Variants in ING2 observed in about 807,000 individuals in gnomAD.
ING2 encodes inhibitor of growth protein 2.
Under a neutral mutation model 30.6 loss-of-function variants are expected in ING2, and 7 were observed. That is an observed-to-expected ratio of 0.23 (90% CI 0.13 to 0.43). The LOEUF (loss-of-function observed/expected upper bound fraction) is 0.43, where lower values mean the gene tolerates loss of function less well. ING2 is among the 20% of genes least tolerant of loss of function. The pLI is 1.00. For synonymous variants in ING2, 136 were observed against 121.7 expected, an observed-to-expected ratio of 1.12 and a Z score of -0.78; for missense variants, 239 against 334.9, an observed-to-expected ratio of 0.71 and a Z score of 2.24.
intron 1 of ING2, chr4:183,506,135 G>A: frequency 8.0e-7 from 1 of 1,244,056 alleles, no homozygotes; most frequent in Non-Finnish European, 1.0e-6. Flanking sequence ...CTGGTCGCGA[G>A]AGGGGCGGTG....
At chr4:183,506,654 C>T (rs758805205) in intron 1 of ING2, among the ~76,000 whole-genome samples, 1 of 152,166 alleles carries the variant, frequency 6.6e-6, no homozygotes, top group African/African-American at 2.4e-5. Flanking sequence ...TTTGTAGACA[C>T]GCCAGTAATC....
intron 1 of ING2, among the ~76,000 whole-genome samples, chr4:183,506,495 C>T (rs1295670471): frequency 6.6e-6 from 1 of 152,204 alleles, no homozygotes; most frequent in Non-Finnish European, 1.5e-5. Context: ...ACAGTGTTAC[C>T]ACCTACTATC....
intron 1 of ING2, among the ~76,000 whole-genome samples, chr4:183,508,806 G>A (rs1220197931): frequency 2.6e-5 from 4 of 152,198 alleles, no homozygotes; most frequent in East Asian, 1.9e-4. Context: ...GAAATAAAAC[G>A]GATTCGAGCA....
chr4:183,506,038 G>A, intron 1 of ING2: 2 of 1,062,916 alleles, frequency 1.9e-6, no homozygotes, highest in South Asian at 3.7e-5. Context: ...GTGGCGGGGA[G>A]GGCCCCCGCG....
At chr4:183,506,256 T>C in intron 1 of ING2, 1 of 1,304,306 alleles carries the variant, frequency 7.7e-7, no homozygotes, top group Non-Finnish European at 1.0e-6. Context: ...TTCCAACCTC[T>C]TTCCCAGTCA....
intron 1 of ING2, 85 bp downstream of exon 1, chr4:183,505,452 A>C: frequency 7.6e-7 from 1 of 1,318,440 alleles, no homozygotes; most frequent in Admixed American, 2.4e-5. Context: ...CTCCCGTGAC[A>C]GTCTCCCCGA....
Position 183,505,077 on chromosome 4 carries a change from C to A in ING2, c.-119C>A, listed in dbSNP as rs1734599359. On this transcript the variant is annotated 5_prime_UTR_variant, in exon 1 of 2. Transcript: ENST00000302327. ...ATCGGGGAGCGCGGCCGTGCCCTCTCGAGCGGCTGCGGGGTCCCCGCGGCG... is the reference window on the plus strand; with the variant it reads ...ATCGGGGAGCGCGGCCGTGCCCTCTAGAGCGGCTGCGGGGTCCCCGCGGCG... 1 of 968,918 alleles carries A rather than the reference C, an allele frequency of 1.0e-6. No homozygotes were observed. The highest frequency in any genetic ancestry group is 1.4e-6 in the Non-Finnish European group (1 of 735,510). 60.0% of individuals were successfully genotyped at this position (968,918 alleles called of 1,614,324 possible). A position where few individuals can be genotyped will look rare whatever the true frequency, so the allele number is the denominator to read the frequency against.
intron 1 of ING2, among the ~76,000 whole-genome samples, chr4:183,505,668 G>A (rs1164262495): frequency 6.6e-6 from 1 of 152,158 alleles, no homozygotes; most frequent in African/African-American, 2.4e-5. Flanking sequence ...TTCAGGCGCT[G>A]GCCCGCCCCG....
chr4:183,510,841 A>G lies in ING2; in HGVS notation c.732A>G (p.Ser244=), dbSNP rs776757765. ...AATGGTTTCACTTTTCATGTGTTTC[A>G]CTTACCTATAAACCAAAGGGGAAAT... is the stretch of plus-strand genomic sequence containing the variant. ...PIEWFHFSCV[S]LTYKPKGKWY... is the part of the protein sequence containing the mutation. Residue 244 remains serine, a synonymous_variant, in exon 2 of 2, where the codon TCA becomes TCG. Transcript: ENST00000302327. 6.2e-7 allele frequency: 1 copy of G among 1,614,202 alleles called. No individual in the cohort carries two copies. The highest frequency in any genetic ancestry group is 1.3e-5 in the African/African-American group (1 of 75,058).
intron 1 of ING2, chr4:183,506,454 C>T (rs1174874764): frequency 2.0e-6 from 1 of 503,658 alleles, no homozygotes; most frequent in Non-Finnish European, 3.6e-6. Flanking sequence ...GCCGGCCGAC[C>T]CGGGAACCCG....
In ING2 at chr4:183,511,336, C is replaced by T. The variant is rs1369457650; in HGVS notation, c.*384C>T. 1.3e-5 allele frequency among the ~76,000 whole-genome samples: 2 copies of T among 152,206 alleles called. No individual in the cohort carries two copies. Among genetic ancestry groups the T allele is most frequent in the Non-Finnish European group, 2.9e-5 (2 of 68,030 alleles). On this transcript the variant is annotated 3_prime_UTR_variant, in exon 2 of 2. Coordinates refer to ENST00000302327, the MANE Select transcript of ING2 (RefSeq NM_001564.4). ...AAAAATGTTAGATGTAGTGGGATTT[C>T]TCTTAAGCATCAAATGATCTTGGGT...
intron 1 of ING2, among the ~76,000 whole-genome samples, chr4:183,508,883 A>AG (rs1734747388): frequency 6.6e-6 from 1 of 152,200 alleles, no homozygotes; most frequent in Non-Finnish European, 1.5e-5. Context: ...GATACCTTCT[A>AG]GTGACTCAGC....
intron 1 of ING2, chr4:183,506,032 C>CGGGGAGGGCCCCCGCGCCG: frequency 1.9e-6 from 2 of 1,041,188 alleles, no homozygotes; most frequent in Non-Finnish European, 1.2e-6. Flanking sequence ...GCGTGTGTGG[C>CGGGGAGGGCCCCCGCGCCG]GGGGAGGGCC....
chr4:183,509,579 G>T (rs1335870697), intron 1 of ING2, among the ~76,000 whole-genome samples: 3 of 151,296 alleles, frequency 2.0e-5, no homozygotes, highest in Non-Finnish European at 2.9e-5. Flanking sequence ...CTGAGTAGCT[G>T]GGACTACAGG....
rs1283494927 is a variant in ING2 at position 183,505,324 on chromosome 4, G to A, written c.129G>A (p.Gln43=). 1.9e-6 allele frequency: 3 copies of A among 1,551,648 alleles called. No individual in the cohort carries two copies. Among genetic ancestry groups the A allele is most frequent in the South Asian group, 2.4e-5 (2 of 84,264 alleles). ...ECVESLPHDM[Q]RNVSVLRELD... ...TGGAGTCGCTGCCCCACGACATGCAGAGGAACGTGTCTGTGCTGCGAGAGC... is the reference window on the plus strand; with the variant it reads ...TGGAGTCGCTGCCCCACGACATGCAAAGGAACGTGTCTGTGCTGCGAGAGC... The change falls in exon 1 of 2, where the codon CAG becomes CAA. Residue 43 remains glutamine, a synonymous_variant. Transcript: ENST00000302327.
intron 1 of ING2, among the ~76,000 whole-genome samples, chr4:183,505,823 G>T (rs530273888): frequency 1.3e-5 from 2 of 152,076 alleles, no homozygotes; most frequent in South Asian, 2.1e-4. Context: ...TGGAACGTGC[G>T]GGGGGAGGGG....
chr4:183,508,269 T>C (rs1726629114), intron 1 of ING2, among the ~76,000 whole-genome samples: 3 of 152,300 alleles, frequency 2.0e-5, no homozygotes, highest in East Asian at 1.9e-4. Flanking sequence ...ATCTCATCTA[T>C]CAATGTGCTG....
At position 183,510,665 on chromosome 4, in the gene ING2, G is replaced by A. The variant is rs760470452; in HGVS notation, c.556G>A (p.Ala186Thr). The A allele has an allele frequency of 2.7e-5, 43 of 1,614,114 alleles. No individual in the cohort carries two copies. The highest frequency in any genetic ancestry group is 3.4e-5 in the Non-Finnish European group (40 of 1,180,010). Residue 186 changes from alanine (A) to threonine (T), a missense_variant, in exon 2 of 2, where the codon GCA becomes ACA. Around this residue, in one of 5 missense-constraint regions of ING2, gnomAD observed 115 missense variants for 120.1 expected, o/e 0.96. Transcript: ENST00000302327. ...QPPKEKKSKSAKKKKRSKAKQ... is the reference protein window; with the variant it reads ...QPPKEKKSKSTKKKKRSKAKQ... ...ACCTAAAGAAAAGAAATCCAAGTCA[G>A]CAAAGAAAAAGAAACGCTCCAAGGC... is the stretch of plus-strand genomic sequence containing the variant.
intron 1 of ING2, chr4:183,506,111 G>A: frequency 1.7e-6 from 2 of 1,210,204 alleles, no homozygotes; most frequent in Non-Finnish European, 1.1e-6. Flanking sequence ...CGTTCCCGCG[G>A]GCCTGGAAAA....
Sources: gnomAD v4.1 joint callset for allele counts (sites outside exome capture counted in the v4.1 genomes callset) on GRCh38, gnomAD v4.1.1 for gene constraint, gnomAD v4.1.1 regional missense constraint, MANE v1.5 for transcripts, NCBI Gene and HGNC (gene_info 2026-07-23, HGNC 2026-07-21) for gene names.